RPS6KA5: variants seen among roughly 807,000 people sequenced by gnomAD.
RPS6KA5 encodes the protein ribosomal protein S6 kinase alpha-5.
RPS6KA5 carries 27 observed loss-of-function variants against 85.5 expected under a neutral mutation model. The observed-to-expected ratio is 0.32, with a 90% confidence interval of 0.23 to 0.44. The LOEUF (loss-of-function observed/expected upper bound fraction) is 0.44. Ranked by LOEUF, RPS6KA5 falls within the 20% of genes least tolerant of loss-of-function variation. The pLI, the probability that RPS6KA5 is intolerant of heterozygous loss-of-function variation, is 1.00. For synonymous variants in RPS6KA5, 334 were observed against 348.2 expected (o/e 0.96, Z 0.46); for missense variants, 811 against 980.9 (o/e 0.83, Z 2.31).
rs902688865 is a variant in RPS6KA5, at chr14:90,963,302, A to G, written c.394+15004T>C. Among the ~76,000 whole-genome samples, 4 of 152,234 alleles carry G rather than the reference A, an allele frequency of 2.6e-5. No homozygotes were observed. The East Asian group carries it at 7.7e-4, about 29-fold the overall frequency. ...AAGCACGGATGTTAGTTTACCCAACATTGGTGTTAACTTTGAGAACATCAT... is the reference window on the plus strand; with the variant it reads ...AAGCACGGATGTTAGTTTACCCAACGTTGGTGTTAACTTTGAGAACATCAT... On this transcript the variant is annotated intron_variant, in intron 3 of 16. Transcript: ENST00000614987.
intron 1 of RPS6KA5, among the ~76,000 whole-genome samples, chr14:91,059,185 A>G (rs1717420311): frequency 6.8e-6 from 1 of 147,454 alleles, no homozygotes; most frequent in Non-Finnish European, 1.5e-5. Context: ...CACAAAAAAT[A>G]CAAAATTAGC....
intron 1 of RPS6KA5, among the ~76,000 whole-genome samples, chr14:91,054,885 T>C (rs2043250524): frequency 1.3e-5 from 2 of 151,986 alleles, no homozygotes; most frequent in South Asian, 2.1e-4. Flanking sequence ...GAGGAAAATA[T>C]ATGCAAATCC....
chr14:91,036,319 A>T (rs1337366513), intron 1 of RPS6KA5, among the ~76,000 whole-genome samples: 1 of 152,224 alleles, frequency 6.6e-6, no homozygotes, highest in Non-Finnish European at 1.5e-5. Context: ...AAGGAAGAAG[A>T]GAGTATGTTT....
chr14:91,016,011 G>A (rs2041477194), intron 1 of RPS6KA5, among the ~76,000 whole-genome samples: 1 of 152,262 alleles, frequency 6.6e-6, no homozygotes, highest in Non-Finnish European at 1.5e-5. Flanking sequence ...AAGTCCAGGG[G>A]TGCTGTGGTG....
chr14:90,899,330 T>A lies in RPS6KA5; in HGVS notation c.1472A>T (p.Gln491Leu). The change falls in exon 12 of 17, where the codon CAG (glutamine) becomes CTG (leucine). Residue 491 changes from glutamine to leucine, a missense_variant and splice_region_variant. Around this residue, in one of 3 missense-constraint regions of RPS6KA5, gnomAD observed 650 missense variants for 793.4 expected, o/e 0.82. Transcript: ENST00000614987. ...IVKLHEVFHD[Q>L]LHTFLVMELL... ...AAAAAAAAAAAAAAAGTAGGATACC[T>A]GATCATGAAAAACTTCATGCAACTT... 1.3e-6 allele frequency: 2 copies of A among 1,561,140 alleles called. No individual in the cohort carries two copies. Among genetic ancestry groups the A allele is most frequent in the Admixed American group, 1.8e-5 (1 of 56,702 alleles).
chr14:90,908,082 T>C (rs1240219720), intron 7 of RPS6KA5, among the ~76,000 whole-genome samples: 2 of 152,204 alleles, frequency 1.3e-5, no homozygotes, highest in Non-Finnish European at 2.9e-5. Context: ...TCAACTTGTA[T>C]TGGAAATCTA....
At chr14:91,052,480 A>AAAC (rs2043129778) in intron 1 of RPS6KA5, 1 of 246,466 alleles carries the variant, frequency 4.1e-6, no homozygotes, top group Admixed American at 5.2e-5. Context: ...AAAAAAAAAA[A>AAAC]AAAACAGATT....
intron 7 of RPS6KA5, among the ~76,000 whole-genome samples, chr14:90,907,952 T>A (rs2035600847): frequency 6.6e-6 from 1 of 152,250 alleles, no homozygotes; most frequent in South Asian, 2.1e-4. Context: ...AGGGTCAAGA[T>A]AAGCAAATTG....
intron 2 of RPS6KA5, among the ~76,000 whole-genome samples, chr14:90,986,876 C>G (rs1421108869): frequency 6.6e-6 from 1 of 152,222 alleles, no homozygotes; most frequent in Admixed American, 6.5e-5. Flanking sequence ...CCTGTTTAGG[C>G]TAGTCTCCTG....
chr14:90,884,899 A>G (rs535475364), intron 14 of RPS6KA5, among the ~76,000 whole-genome samples: 3 of 152,168 alleles, frequency 2.0e-5, no homozygotes, highest in Non-Finnish European at 4.4e-5. Flanking sequence ...ATAGTTTTCT[A>G]AAGTCTGCTC....
Position 91,024,958 on chromosome 14 carries a change from T to G in RPS6KA5, c.104-23799A>C, listed in dbSNP as rs191240476. ...GTGCAGTGGTGTGATCTCAGCTCAC[T>G]GCAACCTCTGCCTCCTGGGTTGAAG... On this transcript the variant is annotated intron_variant, in intron 1 of 16. Transcript: ENST00000614987. Among the ~76,000 whole-genome samples, 107 of 152,224 alleles carry G rather than the reference T, an allele frequency of 7.0e-4. 2 individuals carry two copies. The East Asian group carries it at 0.02, about 28-fold the overall frequency.
intron 5 of RPS6KA5, among the ~76,000 whole-genome samples, chr14:90,938,558 T>C (rs1218957524): frequency 1.3e-5 from 2 of 152,248 alleles, no homozygotes; most frequent in Non-Finnish European, 2.9e-5. Context: ...AACGTCTGCC[T>C]GGGCATCCAG....
rs138713873 is a variant in RPS6KA5 at position 90,972,116 on chromosome 14, T to A, written c.394+6190A>T. 1.3e-3 allele frequency among the ~76,000 whole-genome samples: 192 copies of A among 152,320 alleles called. 3 individuals are homozygous for A. Among genetic ancestry groups the A allele is most frequent in the African/African-American group, 4.4e-3 (184 of 41,574 alleles). ...TGAAGGTCTTAGAAGGATTTCAACATCAGCAAACATACCATGTTCTTGAAT... is the reference window on the plus strand; with the variant it reads ...TGAAGGTCTTAGAAGGATTTCAACAACAGCAAACATACCATGTTCTTGAAT... On this transcript the variant is annotated intron_variant, in intron 3 of 16. Coordinates refer to ENST00000614987, the MANE Select transcript of RPS6KA5 (RefSeq NM_004755.4).
In RPS6KA5 at chr14:90,863,942, A is replaced by G. The variant is rs1397065024; in HGVS notation, c.*8132T>C. Reference sequence around the variant, plus strand: ...AAGAATAGCCAAAACTATTAGAACTATTAGATAAAAGTTAGAGGTCTTACA... The same window carrying G: ...AAGAATAGCCAAAACTATTAGAACTGTTAGATAAAAGTTAGAGGTCTTACA... On this transcript the variant is annotated 3_prime_UTR_variant, in exon 17 of 17. Coordinates refer to ENST00000614987, the MANE Select transcript of RPS6KA5 (RefSeq NM_004755.4). 1.3e-5 allele frequency: 2 copies of G among 152,256 alleles called. No individual in the cohort carries two copies. The highest frequency in any genetic ancestry group is 2.4e-5 in the African/African-American group (1 of 41,468). The allele number at this position is 152,256 out of a possible 1,614,324, so 9.4% of individuals were successfully genotyped here. A position where few individuals can be genotyped will look rare whatever the true frequency, so the allele number is the denominator to read the frequency against.
In RPS6KA5 at chr14:90,869,942, T is replaced by C. The variant is rs972112944; in HGVS notation, c.*2132A>G. On this transcript the variant is annotated 3_prime_UTR_variant, in exon 17 of 17. Coordinates refer to ENST00000614987, the MANE Select transcript of RPS6KA5 (RefSeq NM_004755.4). ...GCCTATCTTTCCTTCTTCCTGTTAG[T>C]CTGACTGCCTTTTTACCCATTTCAT... is the stretch of plus-strand genomic sequence containing the variant. The C allele has an allele frequency of 7.2e-5, 11 of 152,238 alleles. No homozygotes were observed. Among genetic ancestry groups the C allele is most frequent in the Admixed American group, 3.9e-4 (6 of 15,284 alleles). The allele number at this position is 152,238 out of a possible 1,614,324, so 9.4% of individuals were successfully genotyped here.
rs138308039 is a variant in RPS6KA5 at position 90,906,214 on chromosome 14, G to T, written c.892C>A (p.Pro298Thr). 1.5e-5 allele frequency: 24 copies of T among 1,612,846 alleles called. No homozygotes were observed. Among genetic ancestry groups the T allele is most frequent in the Non-Finnish European group, 2.0e-5 (23 of 1,179,154 alleles). The change falls in exon 8 of 17, where the codon CCC (proline) becomes ACC (threonine). Residue 298 changes from proline (P) to threonine (T), a missense_variant. Pro to Thr is a conservative substitution (Grantham distance 38, BLOSUM62 -1). Around this residue, in one of 3 missense-constraint regions of RPS6KA5, gnomAD observed 650 missense variants for 793.4 expected, o/e 0.82. Coordinates refer to ENST00000614987, the MANE Select transcript of RPS6KA5 (RefSeq NM_004755.4). The stretch of plus-strand genomic sequence containing the variant: ...GGACCACATCCCAATCTCTTCTTGG[G>T]ATCTTTCATCAAAAGACGCTGAATT... ...DLIQRLLMKD[P>T]KKRLGCGPRD...
chr14:90,918,498 T>C (rs767728960), intron 7 of RPS6KA5, among the ~76,000 whole-genome samples: 4 of 152,218 alleles, frequency 2.6e-5, no homozygotes, highest in African/African-American at 7.2e-5. Context: ...CTTAACAGTT[T>C]TGAAGAGCAG....
At chr14:90,965,158 G>A (rs915572917) in intron 3 of RPS6KA5, among the ~76,000 whole-genome samples, 1 of 152,044 alleles carries the variant, frequency 6.6e-6, no homozygotes, top group Non-Finnish European at 1.5e-5. Context: ...CACTTTGTAA[G>A]GCAGGCAGAT....
intron 1 of RPS6KA5, 130 bp downstream of exon 1, chr14:91,060,202 C>A (rs1280587995): frequency 1.0e-6 from 1 of 961,896 alleles, no homozygotes. Context: ...CCGACCGCGA[C>A]GCCCCGCCCC....
Sources: gnomAD v4.1 joint callset for allele counts (sites outside exome capture counted in the v4.1 genomes callset) on GRCh38, gnomAD v4.1.1 for gene constraint, gnomAD v4.1.1 regional missense constraint, MANE v1.5 for transcripts, NCBI Gene and HGNC (gene_info 2026-07-23, HGNC 2026-07-21) for gene names.